The following IQCK variants were observed in gnomAD, a reference collection of about 807,000 sequenced individuals.
IQCK encodes the protein IQ motif containing K, also known as IQ domain-containing protein K.
Under a neutral mutation model 28.1 loss-of-function variants are expected in IQCK, and 29 were observed. The observed-to-expected ratio is 1.03, with a 90% CI of 0.77 to 1.41. The LOEUF is 1.41. Ranked by LOEUF, IQCK falls within the 40% of genes most tolerant of loss-of-function variation. The probability of loss-of-function intolerance (pLI) is 0.00; values close to 1 mark genes in which losing one functional copy is unlikely to be tolerated. For missense variants in IQCK, 359 were observed against 314.7 expected (o/e 1.14, Z -1.07); for synonymous variants, 113 against 115.1 (o/e 0.98, Z 0.12).
chr16:19,736,976 G>A (rs1408853305), intron 4 of IQCK, among the ~76,000 whole-genome samples: 5 of 147,318 alleles, frequency 3.4e-5, no homozygotes, highest in Admixed American at 1.3e-4. Flanking sequence ...AGTGAGACCC[G>A]GTATTTACAA....
chr16:19,741,700 T>C (rs2151690634), intron 4 of IQCK, among the ~76,000 whole-genome samples: 1 of 152,244 alleles, frequency 6.6e-6, no homozygotes, highest in Non-Finnish European at 1.5e-5. Context: ...AAACTGTTCA[T>C]ATGTGGCCAG....
chr16:19,853,356 G>T (rs2056510396), intron 9 of IQCK, among the ~76,000 whole-genome samples: 1 of 152,086 alleles, frequency 6.6e-6, no homozygotes, highest in African/African-American at 2.4e-5. Flanking sequence ...ATTCCTTTCT[G>T]CTCTCCTCTG....
At chr16:19,850,764 T>A (rs2141123283) in intron 9 of IQCK, among the ~76,000 whole-genome samples, 1 of 152,230 alleles carries the variant, frequency 6.6e-6, no homozygotes, top group East Asian at 1.9e-4. Flanking sequence ...CCTGTGACCC[T>A]ATCATCTTGG....
At chr16:19,768,791 C>G (rs1299620110) in intron 6 of IQCK, among the ~76,000 whole-genome samples, 1 of 152,170 alleles carries the variant, frequency 6.6e-6, no homozygotes, top group African/African-American at 2.4e-5. Flanking sequence ...CCACCACTTA[C>G]TGATCCTATG....
At chr16:19,724,048 T>C (rs887539432) in intron 1 of IQCK, among the ~76,000 whole-genome samples, 16 of 152,156 alleles carry the variant, frequency 1.1e-4, no homozygotes, top group Non-Finnish European at 1.6e-4. Flanking sequence ...AGTTCTGCAT[T>C]TTAAACAAGC....
chr16:19,854,937 GA>G (rs2056537291), intron 9 of IQCK, among the ~76,000 whole-genome samples: 1 of 152,146 alleles, frequency 6.6e-6, no homozygotes. Flanking sequence ...TATATACCTT[GA>G]AAAAATGTTT....
intron 4 of IQCK, among the ~76,000 whole-genome samples, chr16:19,750,859 A>G (rs935166688): frequency 2.0e-5 from 3 of 152,204 alleles, no homozygotes; most frequent in African/African-American, 7.2e-5. Context: ...ATTAAATTGG[A>G]AAAAGTGGAA....
chr16:19,830,450 G>A (rs1248560355), downstream of IQCK, among the ~76,000 whole-genome samples: 2 of 152,192 alleles, frequency 1.3e-5, no homozygotes, highest in East Asian at 1.9e-4. Context: ...ACCATCTGCT[G>A]CTGGCTTCCC....
intron 7 of IQCK, among the ~76,000 whole-genome samples, chr16:19,814,763 A>G (rs2055961036): frequency 1.3e-5 from 2 of 151,728 alleles, no homozygotes; most frequent in African/African-American, 4.9e-5. Flanking sequence ...CAAAAGGCCG[A>G]AAACATTAGG....
chr16:19,765,029 T>A (rs534662248), intron 6 of IQCK, among the ~76,000 whole-genome samples: 55 of 142,196 alleles, frequency 3.9e-4, no homozygotes, highest in African/African-American at 1.3e-3. Flanking sequence ...GAGACCATCC[T>A]GGCTAACACA....
chr16:19,812,035 T>A (rs2055914091), intron 7 of IQCK, among the ~76,000 whole-genome samples: 1 of 149,496 alleles, frequency 6.7e-6, no homozygotes, highest in Non-Finnish European at 1.5e-5. Context: ...TTGCCCAGAC[T>A]AGAGTACAGT....
chr16:19,784,234 A>C (rs1393473672), intron 6 of IQCK, among the ~76,000 whole-genome samples: 1 of 151,866 alleles, frequency 6.6e-6, no homozygotes. Context: ...CTTCGAAGCA[A>C]ATGATTGTGT....
chr16:19,799,640 A>ACCCC (rs1555519987), intron 7 of IQCK, among the ~76,000 whole-genome samples: 4 of 111,798 alleles, frequency 3.6e-5, no homozygotes, highest in African/African-American at 1.8e-4. Context: ...ACACACACAC[A>ACCCC]CCCAGTGAAT....
At chr16:19,854,413 C>T (rs2056527213) in intron 9 of IQCK, among the ~76,000 whole-genome samples, 1 of 149,504 alleles carries the variant, frequency 6.7e-6, no homozygotes. Context: ...CCCTAGAGAC[C>T]CAGCCTGATC....
rs186727302 is a variant in IQCK, at chr16:19,737,687, A to G, written c.474+2237A>G. On this transcript the variant is annotated intron_variant, in intron 4 of 7. Transcript: ENST00000564186. ...CAGCCTAGCTTTCAAGGCTCTGCCT[A>G]GTTCATGTGTTCATTGGTTCCTTCC... 3.3e-5 allele frequency among the ~76,000 whole-genome samples: 5 copies of G among 152,208 alleles called. No individual in the cohort carries two copies. In the East Asian group the frequency reaches 9.7e-4, roughly 29 times the overall value.
chr16:19,760,732 T>A (rs537690921), intron 4 of IQCK, among the ~76,000 whole-genome samples: 1 of 152,244 alleles, frequency 6.6e-6, no homozygotes, highest in African/African-American at 2.4e-5. Context: ...TCTTGGATCT[T>A]GTGCAAGAAA....
chr16:19,838,327 C>T (rs2056322687), intron 9 of IQCK, among the ~76,000 whole-genome samples: 1 of 152,046 alleles, frequency 6.6e-6, no homozygotes, highest in South Asian at 2.1e-4. Flanking sequence ...AAGAGGGAGG[C>T]ATGAATTCGG....
At chr16:19,810,349 T>G (rs2055887315) in intron 7 of IQCK, among the ~76,000 whole-genome samples, 1 of 150,340 alleles carries the variant, frequency 6.7e-6, no homozygotes, top group African/African-American at 2.5e-5. Flanking sequence ...TACAAAAAAT[T>G]AGCCGGGTGT....
rs114245109 is a variant in IQCK at position 19,759,608 on chromosome 16, T to C, written c.475-4240T>C. The stretch of plus-strand genomic sequence containing the variant: ...TATGATTCACTAGGGAAGATAGACA[T>C]GGCAGACTCATGTTACAGTCTCAGG... On this transcript the variant is annotated intron_variant, in intron 4 of 7. Transcript: ENST00000564186. Among the ~76,000 whole-genome samples the C allele has an allele frequency of 3.8e-3, 576 of 152,274 alleles. 1 individual carries two copies. Among genetic ancestry groups the C allele is most frequent in the African/African-American group, 0.013 (547 of 41,546 alleles).
Sources: gnomAD v4.1 joint callset for allele counts (sites outside exome capture counted in the v4.1 genomes callset) on GRCh38, gnomAD v4.1.1 for gene constraint, MANE v1.5 for transcripts, NCBI Gene and HGNC (gene_info 2026-07-23, HGNC 2026-07-21) for gene names.